Variants in CFAP77 observed in about 807,000 individuals in gnomAD.
CFAP77 encodes cilia and flagella associated protein 77.
A neutral mutation model predicts 31.1 loss-of-function variants in CFAP77; 25 were observed. That is an observed-to-expected ratio of 0.80 (90% CI 0.59 to 1.12). The LOEUF (loss-of-function observed/expected upper bound fraction) is 1.12. Ranked by LOEUF, CFAP77 falls within the 50% of genes most tolerant of loss-of-function variation. The pLI is 0.00. For missense variants in CFAP77, 377 were observed against 397.3 expected, an observed-to-expected ratio of 0.95 and a Z score of 0.44; for synonymous variants, 151 against 159.9, an observed-to-expected ratio of 0.94 and a Z score of 0.42.
chr9:132,484,103 A>AT (rs1399288522), intron 1 of CFAP77, among the ~76,000 whole-genome samples: 1 of 151,590 alleles, frequency 6.6e-6, no homozygotes, highest in Non-Finnish European at 1.5e-5. Context: ...CACCCGGCTA[A>AT]TTTTTTTGTA....
chr9:132,463,255 C>G (rs1051046898), intron 1 of CFAP77, among the ~76,000 whole-genome samples: 2 of 152,124 alleles, frequency 1.3e-5, no homozygotes, highest in Non-Finnish European at 2.9e-5. Flanking sequence ...CAGAAACTCC[C>G]CAGTTAAGAT....
At chr9:132,429,933 C>G (rs1850383724) in intron 1 of CFAP77, among the ~76,000 whole-genome samples, 1 of 152,006 alleles carries the variant, frequency 6.6e-6, no homozygotes, top group Admixed American at 6.6e-5. Flanking sequence ...TGGTGAGAGG[C>G]TCAGTTAACC....
rs1851796762 is a variant in CFAP77, at chr9:132,499,221, C to A, written c.296-151C>A. On this transcript the variant is annotated intron_variant, in intron 2 of 5. Transcript: ENST00000393216. The surrounding 1 kb of genome is among the most constrained non-coding windows in gnomAD (Gnocchi z 5.4). ...GATCCCGCCGTTTTGGGCCATCATG[C>A]TTTCTGGGGGCCAGGCAGGGTTGTC... The A allele has an allele frequency of 2.9e-6, 2 of 681,182 alleles. No individual in the cohort carries two copies. Among genetic ancestry groups the A allele is most frequent in the Non-Finnish European group, 4.9e-6 (2 of 407,866 alleles). 42.2% of individuals were successfully genotyped at this position (681,182 alleles called of 1,614,324 possible).
chr9:132,538,162 C>A (rs1443182011), intron 4 of CFAP77, among the ~76,000 whole-genome samples: 1 of 152,210 alleles, frequency 6.6e-6, no homozygotes, highest in South Asian at 2.1e-4. Flanking sequence ...CCTTAAAGAA[C>A]ACATTATATT....
At chr9:132,544,340 G>A (rs757160976) in intron 5 of CFAP77, among the ~76,000 whole-genome samples, 4 of 152,114 alleles carry the variant, frequency 2.6e-5, no homozygotes, top group Admixed American at 6.6e-5. Context: ...TCCTCTCACC[G>A]CTCCTGCCCT....
At chr9:132,477,563 C>T (rs774316019) in intron 1 of CFAP77, among the ~76,000 whole-genome samples, 1 of 152,168 alleles carries the variant, frequency 6.6e-6, no homozygotes, top group Non-Finnish European at 1.5e-5. Context: ...GGGTCAAGCG[C>T]CTAGCCTTGG....
intron 1 of CFAP77, among the ~76,000 whole-genome samples, chr9:132,461,628 G>C (rs1009560123): frequency 6.6e-6 from 1 of 152,174 alleles, no homozygotes; most frequent in Non-Finnish European, 1.5e-5. Context: ...CTACCGGGAC[G>C]GCCAAGGGAA....
chr9:132,514,205 G>A lies in CFAP77; in HGVS notation c.524+14605G>A, dbSNP rs151296355. Among the ~76,000 whole-genome samples the A allele has an allele frequency of 8.0e-5, 12 of 149,980 alleles. No homozygotes were observed. In the East Asian group the frequency reaches 2.4e-3, roughly 30 times the overall value. On this transcript the variant is annotated intron_variant, in intron 3 of 5. Coordinates refer to ENST00000393216, the MANE Select transcript of CFAP77 (RefSeq NM_001282957.2). ...TCCCTGTGTCATTGACCACGAGTGA[G>A]AGTGAGGGGACGCCCCCTTCCCTGT...
In CFAP77 at chr9:132,416,932, C is replaced by T. The variant is rs535139285; in HGVS notation, c.195+6466C>T. Among the ~76,000 whole-genome samples the T allele has an allele frequency of 5.3e-5, 8 of 151,588 alleles. No homozygotes were observed. In the South Asian group the frequency reaches 6.3e-4, roughly 12 times the overall value. On this transcript the variant is annotated intron_variant, in intron 1 of 5. Coordinates refer to ENST00000393216, the MANE Select transcript of CFAP77 (RefSeq NM_001282957.2). ...GATTACAGGTGTGAGCCACTGTGCC[C>T]GGCTGATCTTTTGTATTAGTTTTTT...
At position 132,499,718 on chromosome 9, in the gene CFAP77, T is replaced by G; in HGVS notation, c.524+118T>G. On this transcript the variant is annotated intron_variant, in intron 3 of 5. Transcript: ENST00000393216. This position sits in a 1 kb window ranked among gnomAD's most constrained non-coding sequence, Gnocchi z 5.4. ...GCATCCTCCCAGCCCCACTGTCCTC[T>G]CTTCAATGACTCTCTCTTGTGTGAC... The G allele has an allele frequency of 1.1e-6, 1 of 869,650 alleles. No individual in the cohort carries two copies. Among genetic ancestry groups the G allele is most frequent in the Non-Finnish European group, 1.8e-6 (1 of 541,848 alleles). 53.9% of individuals were successfully genotyped at this position (869,650 alleles called of 1,614,324 possible).
chr9:132,466,924 T>C (rs1589867498), intron 1 of CFAP77, among the ~76,000 whole-genome samples: 1 of 152,196 alleles, frequency 6.6e-6, no homozygotes, highest in Non-Finnish European at 1.5e-5. Flanking sequence ...ACACCTGTAA[T>C]CCCAGCACTT....
At chr9:132,426,855 T>C (rs1224684881) in intron 1 of CFAP77, among the ~76,000 whole-genome samples, 1 of 152,190 alleles carries the variant, frequency 6.6e-6, no homozygotes, top group Non-Finnish European at 1.5e-5. Context: ...ATCGCTACAT[T>C]GTCGAGCAGC....
intron 1 of CFAP77, among the ~76,000 whole-genome samples, chr9:132,462,676 C>T (rs1169237181): frequency 4.6e-5 from 7 of 152,038 alleles, no homozygotes; most frequent in South Asian, 2.1e-4. Context: ...ATTACCCAGG[C>T]GTGGTGGTGG....
intron 1 of CFAP77, among the ~76,000 whole-genome samples, chr9:132,462,633 G>T (rs538069999): frequency 6.6e-6 from 1 of 152,166 alleles, no homozygotes; most frequent in East Asian, 1.9e-4. Context: ...GGCTAACGTG[G>T]TAAAACCCCG....
At chr9:132,412,077 A>G (rs1471477450) in intron 1 of CFAP77, among the ~76,000 whole-genome samples, 1 of 152,182 alleles carries the variant, frequency 6.6e-6, no homozygotes, top group Non-Finnish European at 1.5e-5. Context: ...ATCGAGGACA[A>G]CATTTGGCCT....
chr9:132,561,814 A>AG (rs760111713), intron 5 of CFAP77, among the ~76,000 whole-genome samples: 3 of 152,156 alleles, frequency 2.0e-5, no homozygotes, highest in Non-Finnish European at 4.4e-5. Flanking sequence ...CCTGTGGCAG[A>AG]GGCGTCGGGT....
At chr9:132,477,002 G>A (rs1411973697) in intron 1 of CFAP77, among the ~76,000 whole-genome samples, 2 of 152,180 alleles carry the variant, frequency 1.3e-5, no homozygotes, top group African/African-American at 4.8e-5. Flanking sequence ...CTTCCCAGCC[G>A]CTGGTGCTGT....
At chr9:132,442,336 A>G (rs2131703652) in intron 1 of CFAP77, among the ~76,000 whole-genome samples, 1 of 152,300 alleles carries the variant, frequency 6.6e-6, no homozygotes, top group South Asian at 2.1e-4. Flanking sequence ...AAATCACTTG[A>G]GCACAGAAGT....
intron 3 of CFAP77, chr9:132,513,534 T>C (rs2118999477): frequency 1.6e-6 from 1 of 633,744 alleles, no homozygotes; most frequent in East Asian, 2.9e-5. Flanking sequence ...TAGCGATCCA[T>C]AAATCATAGG....
Sources: gnomAD v4.1 joint callset for allele counts (sites outside exome capture counted in the v4.1 genomes callset) on GRCh38, gnomAD v4.1.1 for gene constraint, Gnocchi (gnomAD v3.1) non-coding constraint, MANE v1.5 for transcripts, NCBI Gene and HGNC (gene_info 2026-07-23, HGNC 2026-07-21) for gene names.